The following PURG variants were observed in gnomAD, a reference collection of about 807,000 sequenced individuals.
The protein encoded by PURG is purine-rich element-binding protein gamma.
Under a neutral mutation model 24.3 loss-of-function variants are expected in PURG, and 3 were observed. The ratio of observed to expected loss-of-function variants is 0.12; its 90% CI spans 0.06 to 0.32. The LOEUF is 0.32. Ranked by LOEUF, PURG falls within the 10% of genes least tolerant of loss-of-function variation. The pLI is 1.00. For synonymous variants in PURG, 180 were observed against 173.1 expected, an observed-to-expected ratio of 1.04 and a Z score of -0.31; for missense variants, 371 against 439.1, an observed-to-expected ratio of 0.84 and a Z score of 1.39.
intron 1 of PURG, among the ~76,000 whole-genome samples, chr8:31,009,765 G>C (rs1019834082): frequency 2.0e-5 from 3 of 152,220 alleles, no homozygotes; most frequent in African/African-American, 7.2e-5. Flanking sequence ...TACTGATGCA[G>C]ATGAAGAACA....
At chr8:31,016,024 G>A (rs1810856268) in intron 1 of PURG, among the ~76,000 whole-genome samples, 1 of 152,162 alleles carries the variant, frequency 6.6e-6, no homozygotes, top group Admixed American at 6.5e-5. Context: ...CTGCACTCCA[G>A]CTTGTGTGAC....
In PURG at chr8:31,032,545, A is replaced by G; in HGVS notation, c.238T>C (p.Ser80Pro). 6.2e-7 allele frequency: 1 copy of G among 1,613,892 alleles called. No homozygotes were observed. The highest frequency in any genetic ancestry group is 8.5e-7 in the Non-Finnish European group (1 of 1,179,960). The change falls in exon 2 of 2, where the codon TCC (serine) becomes CCC (proline). Residue 80 changes from serine (S) to proline (P), a missense_variant. Ser to Pro is a moderately conservative substitution (Grantham distance 74). Transcript: ENST00000523392. This position sits in a 1 kb window ranked among gnomAD's most constrained non-coding sequence, Gnocchi z 5.9. ...KRFYLDVKQS[S>P]RGRFLKIAEV... ...GCTATCTTTAGGAAGCGGCCCCGGG[A>G]GCTTTGCTTCACGTCTAGGTAAAAC...
At chr8:31,027,501 T>C (rs1811113215), downstream of PURG, among the ~76,000 whole-genome samples, 1 of 151,790 alleles carries the variant, frequency 6.6e-6, no homozygotes, top group South Asian at 2.1e-4. Context: ...GGAATGATAA[T>C]ACATACATCA....
Position 31,032,443 on chromosome 8 carries a change from C to T in PURG, c.340G>A (p.Glu114Lys). The change falls in exon 2 of 2, where the codon GAG becomes AAG. Residue 114 changes from glutamate (E) to lysine (K), a missense_variant. By Grantham distance (56) the Glu-to-Lys change is moderately conservative. Around this residue, in one of 5 missense-constraint regions of PURG, gnomAD observed 213 missense variants for 230.6 expected, o/e 0.92. Transcript: ENST00000523392. This position sits in a 1 kb window ranked among gnomAD's most constrained non-coding sequence, Gnocchi z 5.9. ...AAGTCCCCTAGACAGTCCTTCAGCTCCGCTGCCACAGACAGGGAGAGGGTC... is the reference window on the plus strand; with the variant it reads ...AAGTCCCCTAGACAGTCCTTCAGCTTCGCTGCCACAGACAGGGAGAGGGTC... ...KLTLSLSVAAELKDCLGDFIE... is the reference protein window; with the variant it reads ...KLTLSLSVAAKLKDCLGDFIE... 2.5e-6 allele frequency: 4 copies of T among 1,614,186 alleles called. No individual in the cohort carries two copies. Among genetic ancestry groups the T allele is most frequent in the Non-Finnish European group, 3.4e-6 (4 of 1,180,048 alleles).
Position 31,005,203 on chromosome 8 carries a change from T to C in PURG, c.865-8506A>G, listed in dbSNP as rs368655765. ...ATCCTAGCACTTTGGGAGGCTGAGATGGGCAGATCACCTGATCTCAGGAGT... is the reference window on the plus strand; with the variant it reads ...ATCCTAGCACTTTGGGAGGCTGAGACGGGCAGATCACCTGATCTCAGGAGT... On this transcript the variant is annotated intron_variant, in intron 1 of 1. Coordinates refer to the PURG transcript ENST00000339382. 8.5e-5 allele frequency among the ~76,000 whole-genome samples: 13 copies of C among 152,138 alleles called. No individual in the cohort carries two copies. The South Asian group carries it at 2.7e-3, about 32-fold the overall frequency.
intron 1 of PURG, among the ~76,000 whole-genome samples, chr8:31,002,070 C>T (rs561603606): frequency 6.6e-6 from 1 of 152,254 alleles, no homozygotes; most frequent in Admixed American, 6.5e-5. Flanking sequence ...AAATAATCCT[C>T]ATAGCTGCAA....
rs1811289542 is a variant in PURG, at chr8:31,033,164, G to T, written c.-93C>A. On this transcript the variant is annotated 5_prime_UTR_variant, in exon 1 of 2. Transcript: ENST00000523392. ...AGCTCTCGGCCCCTCTGCTGCAGCC[G>T]CCGCAGCCGCCGCCCCCCGCCTCCT... 1 of 204,852 alleles carries T rather than the reference G, an allele frequency of 4.9e-6. No homozygotes were observed. Among genetic ancestry groups the T allele is most frequent in the Non-Finnish European group, 9.6e-6 (1 of 104,540 alleles). 12.7% of individuals were successfully genotyped at this position (204,852 alleles called of 1,614,324 possible). A position where few individuals can be genotyped will look rare whatever the true frequency, so the allele number is the denominator to read the frequency against.
intron 1 of PURG, among the ~76,000 whole-genome samples, chr8:30,998,172 T>C (rs962090686): frequency 1.3e-5 from 2 of 151,866 alleles, no homozygotes; most frequent in Non-Finnish European, 3.0e-5. Context: ...TCTCAAATGA[T>C]TGTAGACTAA....
exon 2 of PURG, chr8:30,996,187 T>C (rs1810423803): frequency 6.0e-6 from 1 of 166,300 alleles, no homozygotes; most frequent in African/African-American, 2.4e-5. Flanking sequence ...ACTAAAGCAG[T>C]TACAGATTTA....
At chr8:31,028,142 A>G (rs948534178), downstream of PURG, among the ~76,000 whole-genome samples, 2 of 151,782 alleles carry the variant, frequency 1.3e-5, no homozygotes, top group African/African-American at 4.8e-5. Flanking sequence ...TCTCAACTAA[A>G]TATAGTCTCA....
chr8:30,997,421 CAAAG>C (rs1585349251), intron 1 of PURG, among the ~76,000 whole-genome samples: 1 of 151,548 alleles, frequency 6.6e-6, no homozygotes, highest in African/African-American at 2.4e-5. Context: ...TAAAAGAAAA[CAAAG>C]AACCAAACCA....
At chr8:31,012,415 G>A (rs1019845445) in intron 1 of PURG, among the ~76,000 whole-genome samples, 1 of 152,010 alleles carries the variant, frequency 6.6e-6, no homozygotes, top group African/African-American at 2.4e-5. Context: ...AAAATGGCAG[G>A]GTAAAAATGG....
exon 2 of PURG, chr8:30,996,443 C>A: frequency 1.9e-6 from 1 of 521,826 alleles, no homozygotes; most frequent in Non-Finnish European, 3.4e-6. Context: ...AACATAAGAT[C>A]AGTTTGGAAA....
intron 1 of PURG, among the ~76,000 whole-genome samples, chr8:31,021,972 T>TG (rs1333436017): frequency 8.5e-6 from 1 of 117,254 alleles, no homozygotes; most frequent in Non-Finnish European, 2.0e-5. Flanking sequence ...CATTTCTTTC[T>TG]TTTTTTTTTT....
chr8:31,002,243 A>C (rs4733219), intron 1 of PURG, among the ~76,000 whole-genome samples: 22,639 of 152,180 alleles, frequency 0.15, 1,919 homozygotes, highest in African/African-American at 0.21. Flanking sequence ...TTGAATACCG[A>C]GAGGTAAGAC....
intron 1 of PURG, among the ~76,000 whole-genome samples, chr8:31,019,508 A>AT (rs1340070202): frequency 1.0e-4 from 15 of 150,458 alleles, no homozygotes; most frequent in Admixed American, 2.0e-4. Flanking sequence ...TAATTTTTGT[A>AT]TTTTAGTAGA....
intron 1 of PURG, among the ~76,000 whole-genome samples, chr8:31,024,680 T>A (rs1038950746): frequency 3.0e-4 from 46 of 152,092 alleles, no homozygotes; most frequent in Admixed American, 1.0e-3. Context: ...GAGAACCATT[T>A]TCTTTAAGAA....
intron 1 of PURG, among the ~76,000 whole-genome samples, chr8:31,013,677 C>A (rs1319674506): frequency 6.6e-6 from 1 of 152,194 alleles, no homozygotes; most frequent in Non-Finnish European, 1.5e-5. Flanking sequence ...GCGGAGGTTG[C>A]AGTGAGCCGA....
chr8:31,020,380 G>T lies in PURG; in HGVS notation c.864+11539C>A, dbSNP rs10094048. 5.6e-3 allele frequency among the ~76,000 whole-genome samples: 854 copies of T among 152,184 alleles called. 5 individuals carry two copies. Among genetic ancestry groups the T allele is most frequent in the African/African-American group, 0.02 (823 of 41,522 alleles). Reference sequence around the variant, plus strand: ...ACTAAGGGATTAAATTAATTCCAAGGTCTTTTAAGTCCTAATATTTAATAG... The same window carrying T: ...ACTAAGGGATTAAATTAATTCCAAGTTCTTTTAAGTCCTAATATTTAATAG... On this transcript the variant is annotated intron_variant, in intron 1 of 1. Coordinates refer to the PURG transcript ENST00000339382.
Sources: gnomAD v4.1 joint callset for allele counts (sites outside exome capture counted in the v4.1 genomes callset) on GRCh38, gnomAD v4.1.1 for gene constraint, gnomAD v4.1.1 regional missense constraint, Gnocchi (gnomAD v3.1) non-coding constraint, MANE v1.5 for transcripts, NCBI Gene and HGNC (gene_info 2026-07-23, HGNC 2026-07-21) for gene names.